Variants in FUBP3 observed in about 807,000 individuals in gnomAD.
FUBP3 encodes far upstream element binding protein 3, also known as far upstream element-binding protein 3.
FUBP3 carries 28 observed loss-of-function variants against 85.6 expected under a neutral mutation model. The ratio of observed to expected loss-of-function variants is 0.33; its 90% CI spans 0.24 to 0.45. FUBP3 has a LOEUF of 0.45. Ranked by LOEUF, FUBP3 falls within the 20% of genes least tolerant of loss-of-function variation. FUBP3 has a pLI of 1.00. For missense variants in FUBP3, 583 were observed against 755.1 expected (o/e 0.77, Z 2.67); for synonymous variants, 271 against 271.4 (o/e 1.00, Z 0.01).
chr9:130,635,961 C>G lies in FUBP3; in HGVS notation c.1583-38C>G. 6.2e-7 allele frequency: 1 copy of G among 1,604,542 alleles called. No individual in the cohort carries two copies. Among genetic ancestry groups the G allele is most frequent in the South Asian group, 1.1e-5 (1 of 89,936 alleles). On this transcript the variant is annotated intron_variant, in intron 17 of 18. Transcript: ENST00000319725. The surrounding 1 kb of genome is among the most constrained non-coding windows in gnomAD (Gnocchi z 4.3). ...GGAAGGGTCCTGCCCAGTGCACCTCCGCTCCCGATAACCTGTGTTTCCTCC... is the reference window on the plus strand; with the variant it reads ...GGAAGGGTCCTGCCCAGTGCACCTCGGCTCCCGATAACCTGTGTTTCCTCC...
At position 130,635,955 on chromosome 9, in the gene FUBP3, C is replaced by T. The variant is rs539616772; in HGVS notation, c.1583-44C>T. 9 of 1,599,148 alleles carry T rather than the reference C, an allele frequency of 5.6e-6. No homozygotes were observed. In the East Asian group the frequency reaches 1.6e-4, roughly 28 times the overall value. On this transcript the variant is annotated intron_variant, in intron 17 of 18. Transcript: ENST00000319725. The surrounding 1 kb of genome is among the most constrained non-coding windows in gnomAD (Gnocchi z 4.3). ...CCTTTGGGAAGGGTCCTGCCCAGTG[C>T]ACCTCCGCTCCCGATAACCTGTGTT...
intron 12 of FUBP3, among the ~76,000 whole-genome samples, chr9:130,628,125 CA>C (rs200144514): frequency 2.1e-3 from 322 of 151,628 alleles, no homozygotes; most frequent in South Asian, 8.7e-3. Flanking sequence ...CACACACACA[CA>C]CCCCCTACCC....
chr9:130,600,385 G>A (rs763510343), intron 2 of FUBP3, among the ~76,000 whole-genome samples: 8 of 152,060 alleles, frequency 5.3e-5, no homozygotes, highest in Admixed American at 2.0e-4. Flanking sequence ...TGTTTCCTAC[G>A]ATTTGCATTT....
rs146284639 is a variant in FUBP3, at chr9:130,585,052, C to G, written c.84+5288C>G. On this transcript the variant is annotated intron_variant, in intron 1 of 18. Transcript: ENST00000319725. The stretch of plus-strand genomic sequence containing the variant: ...GCACGCACCTGTAATCCCAGCTACT[C>G]GAGAGGCTGAACCACGATAATTGCT... Among the ~76,000 whole-genome samples, 407 of 152,202 alleles carry G rather than the reference C, an allele frequency of 2.7e-3. 3 individuals are homozygous for G. Among genetic ancestry groups the G allele is most frequent in the African/African-American group, 9.6e-3 (399 of 41,510 alleles).
rs1830459853 is a variant in FUBP3, at chr9:130,637,551, G to C, written c.*529G>C. The C allele has an allele frequency of 6.3e-6, 1 of 159,264 alleles. No individual in the cohort carries two copies. The allele number at this position is 159,264 out of a possible 1,614,324, so 9.9% of individuals were successfully genotyped here. A position where few individuals can be genotyped will look rare whatever the true frequency, so the allele number is the denominator to read the frequency against. On this transcript the variant is annotated 3_prime_UTR_variant, in exon 19 of 19. Transcript: ENST00000319725. ...ATTTTTAAAAAAACTGAACTATTAT[G>C]TATTGTAATGAATGATGTGAATTCT...
chr9:130,606,545 G>A (rs1183855499), intron 2 of FUBP3, among the ~76,000 whole-genome samples: 3 of 152,084 alleles, frequency 2.0e-5, no homozygotes, highest in Non-Finnish European at 2.9e-5. Flanking sequence ...ATGTGGCCGG[G>A]CGCGGTGGCT....
At chr9:130,624,124 T>G (rs1041861177) in intron 11 of FUBP3, among the ~76,000 whole-genome samples, 3 of 152,264 alleles carry the variant, frequency 2.0e-5, no homozygotes, top group African/African-American at 7.2e-5. Context: ...TGCACATCTT[T>G]GGACTGTGAG....
chr9:130,633,122 T>A (rs1316378433), intron 16 of FUBP3, among the ~76,000 whole-genome samples: 1 of 152,242 alleles, frequency 6.6e-6, no homozygotes, highest in East Asian at 1.9e-4. Flanking sequence ...CTGTGTGGCC[T>A]TAGGCACGCC....
chr9:130,637,931 A>G lies in FUBP3; in HGVS notation c.*909A>G, dbSNP rs1181000596. The G allele has an allele frequency of 2.0e-5, 3 of 152,566 alleles. No homozygotes were observed. Among genetic ancestry groups the G allele is most frequent in the Non-Finnish European group, 4.4e-5 (3 of 68,028 alleles). 9.5% of individuals were successfully genotyped at this position (152,566 alleles called of 1,614,324 possible). A position where few individuals can be genotyped will look rare whatever the true frequency, so the allele number is the denominator to read the frequency against. ...GGTGTTGTTTGCTTTTTTCTTTTAA[A>G]TATTTTCTTAATATTTTGTCAGATT... On this transcript the variant is annotated 3_prime_UTR_variant, in exon 19 of 19. Coordinates refer to ENST00000319725, the MANE Select transcript of FUBP3 (RefSeq NM_003934.2).
chr9:130,619,303 ATTT>A (rs11293240), intron 8 of FUBP3, among the ~76,000 whole-genome samples: 2 of 137,918 alleles, frequency 1.5e-5, no homozygotes, highest in Admixed American at 7.1e-5. Context: ...TGTATATTTC[ATTT>A]TTTTTTTTTT....
At chr9:130,633,004 CCACAG>C (rs1174075511) in intron 16 of FUBP3, among the ~76,000 whole-genome samples, 1 of 152,234 alleles carries the variant, frequency 6.6e-6, no homozygotes, top group East Asian at 1.9e-4. Flanking sequence ...CTGCAGATTC[CCACAG>C]CACCCAGGCC....
At chr9:130,580,185 T>C (rs1830074622) in intron 1 of FUBP3, among the ~76,000 whole-genome samples, 1 of 152,200 alleles carries the variant, frequency 6.6e-6, no homozygotes, top group Non-Finnish European at 1.5e-5. Context: ...ACATCGTCTT[T>C]AGACTTTCTG....
Position 130,612,977 on chromosome 9 carries a change from A to T in FUBP3, c.296A>T (p.Gln99Leu). 1 of 1,613,092 alleles carries T rather than the reference A, an allele frequency of 6.2e-7. No individual in the cohort carries two copies. The highest frequency in any genetic ancestry group is 1.1e-5 in the South Asian group (1 of 91,060). ...VGFIIGRGGEQISRIQAESGC... is the reference protein window; with the variant it reads ...VGFIIGRGGELISRIQAESGC... ...TCAGTTATCGGCAGGGGAGGTGAGC[A>T]GATTTCACGGATTCAAGCAGAATCT... Residue 99 changes from glutamine to leucine, a missense_variant, in exon 5 of 19, where the codon CAG becomes CTG. By Grantham distance (113) the Gln-to-Leu change is moderately radical. Coordinates refer to ENST00000319725, the MANE Select transcript of FUBP3 (RefSeq NM_003934.2). This position sits in a 1 kb window ranked among gnomAD's most constrained non-coding sequence, Gnocchi z 4.1.
At chr9:130,604,155 A>G (rs1831304232) in intron 2 of FUBP3, among the ~76,000 whole-genome samples, 1 of 152,166 alleles carries the variant, frequency 6.6e-6, no homozygotes, top group Non-Finnish European at 1.5e-5. Context: ...ATACTGCATG[A>G]TCCCCTTTAT....
At chr9:130,605,538 A>G (rs1831382080) in intron 2 of FUBP3, among the ~76,000 whole-genome samples, 2 of 152,264 alleles carry the variant, frequency 1.3e-5, no homozygotes, top group African/African-American at 4.8e-5. Flanking sequence ...CTCTTCAGTA[A>G]GATGGGAATG....
intron 16 of FUBP3, among the ~76,000 whole-genome samples, chr9:130,633,485 G>A (rs758134546): frequency 3.3e-5 from 5 of 152,342 alleles, no homozygotes; most frequent in Admixed American, 1.3e-4. Context: ...CAGGGGAAAC[G>A]GCCCCCTGGC....
rs1284759254 is a variant in FUBP3 at position 130,595,487 on chromosome 9, C to G, written c.89C>G (p.Ala30Gly). 6.8e-7 allele frequency: 1 copy of G among 1,471,704 alleles called. No homozygotes were observed. The highest frequency in any genetic ancestry group is 9.5e-7 in the Non-Finnish European group (1 of 1,050,006). 91.2% of individuals were successfully genotyped at this position (1,471,704 alleles called of 1,614,324 possible). Residue 30 changes from alanine to glycine, a missense_variant, in exon 2 of 19, where the codon GCT (alanine) becomes GGT (glycine). Around this residue, in one of 3 missense-constraint regions of FUBP3, gnomAD observed 177 missense variants for 221.9 expected, o/e 0.80. Coordinates refer to ENST00000319725, the MANE Select transcript of FUBP3 (RefSeq NM_003934.2). Reference protein sequence around the residue: ...VDALHRVRQIAAKIDSIPHLN... With the variant: ...VDALHRVRQIGAKIDSIPHLN... ...TAAATCTGATTCTCTCTGTAGATTGCTGCTAAAATTGATTCAATTCCTCAC... is the reference window on the plus strand; with the variant it reads ...TAAATCTGATTCTCTCTGTAGATTGGTGCTAAAATTGATTCAATTCCTCAC...
intron 11 of FUBP3, among the ~76,000 whole-genome samples, chr9:130,626,079 G>T (rs149338016): frequency 3.7e-4 from 56 of 152,296 alleles, no homozygotes; most frequent in African/African-American, 1.0e-3. Flanking sequence ...GAGAAAGGCC[G>T]CTGGGCTTCA....
intron 2 of FUBP3, among the ~76,000 whole-genome samples, chr9:130,600,247 G>A (rs570480743): frequency 6.6e-6 from 1 of 151,978 alleles, no homozygotes; most frequent in East Asian, 1.9e-4. Context: ...TTCCTTCCGC[G>A]GTTACTGGGT....
Sources: gnomAD v4.1 joint callset for allele counts (sites outside exome capture counted in the v4.1 genomes callset) on GRCh38, gnomAD v4.1.1 for gene constraint, gnomAD v4.1.1 regional missense constraint, Gnocchi (gnomAD v3.1) non-coding constraint, MANE v1.5 for transcripts, NCBI Gene and HGNC (gene_info 2026-07-23, HGNC 2026-07-21) for gene names.